Variants in ADAMTS14 observed in about 807,000 individuals in gnomAD.
ADAMTS14 encodes the protein ADAM metallopeptidase with thrombospondin type 1 motif 14, also known as A disintegrin and metalloproteinase with thrombospondin motifs 14.
Under a neutral mutation model 128.6 loss-of-function variants are expected in ADAMTS14, and 100 were observed. That is an observed-to-expected ratio of 0.78 (90% confidence interval 0.66 to 0.92). ADAMTS14 has a LOEUF of 0.92. Ranked by LOEUF, ADAMTS14 falls within the 40% of genes least tolerant of loss-of-function variation. The pLI is 0.00. For missense variants in ADAMTS14, 1,562 were observed against 1,658.6 expected, an observed-to-expected ratio of 0.94 and a Z score of 1.01; for synonymous variants, 665 against 653.8, an observed-to-expected ratio of 1.02 and a Z score of -0.26.
chr10:70,722,573 C>A (rs769960676), intron 4 of ADAMTS14, among the ~76,000 whole-genome samples: 3 of 152,146 alleles, frequency 2.0e-5, no homozygotes, highest in African/African-American at 7.2e-5. Context: ...AAATGGCTGA[C>A]TCTGGGACTA....
At position 70,674,666 on chromosome 10, in the gene ADAMTS14, G is replaced by A; in HGVS notation, c.193G>A (p.Ala65Thr). 1 of 1,613,586 alleles carries A rather than the reference G, an allele frequency of 6.2e-7. No homozygotes were observed. Among genetic ancestry groups the A allele is most frequent in the Non-Finnish European group, 8.5e-7 (1 of 1,180,036 alleles). The part of the protein sequence containing the change: ...HVVSGPAAAS[A>T]GSMVVDTPPT... ...GGTGTCTGGCCCAGCAGCAGCCTCT[G>A]CAGGGAGCATGGTAGTGGACACGCC... Residue 65 changes from alanine to threonine, a missense_variant, in exon 2 of 22, where the codon GCA becomes ACA. Coordinates refer to ENST00000373207, the MANE Select transcript of ADAMTS14 (RefSeq NM_080722.4).
intron 4 of ADAMTS14, among the ~76,000 whole-genome samples, chr10:70,709,876 GC>G (rs1840790919): frequency 6.6e-6 from 1 of 152,208 alleles, no homozygotes; most frequent in South Asian, 2.1e-4. Context: ...GCCACAGGTG[GC>G]CCCAAGTGAG....
intron 2 of ADAMTS14, among the ~76,000 whole-genome samples, chr10:70,680,079 G>A (rs937817711): frequency 6.6e-6 from 1 of 152,186 alleles, no homozygotes; most frequent in Non-Finnish European, 1.5e-5. Context: ...CTTTAAGTGG[G>A]TGAATTATAT....
chr10:70,758,126 C>T lies in ADAMTS14; in HGVS notation c.3067+35C>T, dbSNP rs777149696. The T allele has an allele frequency of 5.0e-6, 8 of 1,612,306 alleles. No individual in the cohort carries two copies. The Admixed American group carries it at 1.3e-4, about 27-fold the overall frequency. On this transcript the variant is annotated intron_variant, in intron 20 of 21. Transcript: ENST00000373207. ...AGGGGATGGGGAGGCCAGGTCCAGT[C>T]CCTTGGGCCAAAGTCCCAAATACTA...
At chr10:70,714,766 G>A (rs1840973807) in intron 4 of ADAMTS14, among the ~76,000 whole-genome samples, 1 of 151,876 alleles carries the variant, frequency 6.6e-6, no homozygotes, top group Admixed American at 6.6e-5. Flanking sequence ...TGACCAATAT[G>A]GCGAAACCCC....
At chr10:70,737,704 T>G (rs189641975) in intron 10 of ADAMTS14, among the ~76,000 whole-genome samples, 20 of 152,262 alleles carry the variant, frequency 1.3e-4, no homozygotes, top group African/African-American at 2.6e-4. Flanking sequence ...TCCAGGTCTT[T>G]CCACTTCTTA....
intron 8 of ADAMTS14, among the ~76,000 whole-genome samples, 180 bp downstream of exon 8, chr10:70,734,208 G>A (rs1413503989): frequency 6.6e-6 from 1 of 152,192 alleles, no homozygotes; most frequent in South Asian, 2.1e-4. Flanking sequence ...AGGTGGGTTA[G>A]TCTAGTGTTT....
chr10:70,734,013 T>G lies in ADAMTS14; in HGVS notation c.1337T>G (p.Leu446Arg), dbSNP rs1287889215. ...TGGTCCCGCTGCAGCAAGCTGGAGC[T>G]CAGCCGCTACCTCCCGTAGGTCATT... ...FHWSRCSKLELSRYLPSYDCL... is the reference protein window; with the variant it reads ...FHWSRCSKLERSRYLPSYDCL... The change falls in exon 8 of 22, where the codon CTC (leucine) becomes CGC (arginine). Residue 446 changes from leucine to arginine, a missense_variant. Physicochemically the swap from Leu to Arg is moderately radical, Grantham distance 102. Transcript: ENST00000373207. 6.2e-7 allele frequency: 1 copy of G among 1,613,186 alleles called. No individual in the cohort carries two copies. The highest frequency in any genetic ancestry group is 1.7e-5 in the Admixed American group (1 of 60,022).
intron 2 of ADAMTS14, among the ~76,000 whole-genome samples, chr10:70,693,969 G>A (rs1466747115): frequency 6.6e-6 from 1 of 152,254 alleles, no homozygotes; most frequent in East Asian, 1.9e-4. Flanking sequence ...AAGTCTGGCA[G>A]CTTTCAGCCC....
intron 3 of ADAMTS14, among the ~76,000 whole-genome samples, chr10:70,705,038 AAC>A (rs1162213355): frequency 6.6e-6 from 1 of 151,974 alleles, no homozygotes; most frequent in African/African-American, 2.4e-5. Flanking sequence ...CACACTCTCA[AAC>A]ACACTCATAC....
chr10:70,720,811 G>T (rs992478982), intron 4 of ADAMTS14, among the ~76,000 whole-genome samples: 2 of 152,024 alleles, frequency 1.3e-5, no homozygotes, highest in Non-Finnish European at 2.9e-5. Context: ...GTAGATACAC[G>T]CACCCATGTG....
At chr10:70,699,896 G>T (rs1368644308) in intron 2 of ADAMTS14, among the ~76,000 whole-genome samples, 1 of 152,066 alleles carries the variant, frequency 6.6e-6, no homozygotes, top group Non-Finnish European at 1.5e-5. Context: ...GACGGTGCAG[G>T]CCACTGCCCT....
At position 70,740,966 on chromosome 10, in the gene ADAMTS14, AT is replaced by A; in HGVS notation, c.1749-18del. The A allele has an allele frequency of 6.2e-7, 1 of 1,609,824 alleles. No individual in the cohort carries two copies. Among genetic ancestry groups the A allele is most frequent in the Non-Finnish European group, 8.5e-7 (1 of 1,176,716 alleles). The stretch of plus-strand genomic sequence containing the variant: ...GCCTTCCCAGCCAGCAAGGTCATCC[AT>A]TTCTCTGTGTCTGTCCCAGCCCAGC... On this transcript the variant is annotated intron_variant, in intron 11 of 21. Coordinates refer to ENST00000373207, the MANE Select transcript of ADAMTS14 (RefSeq NM_080722.4).
chr10:70,708,820 G>GGGGGGGCCCC, intron 4 of ADAMTS14, 42 bp downstream of exon 4: 1 of 1,344,672 alleles, frequency 7.4e-7, no homozygotes, highest in Non-Finnish European at 9.9e-7. Context: ...GAGTGGGGTG[G>GGGGGGGCCCC]GGTGGGCCCC....
chr10:70,748,226 C>T (rs1306557390), intron 15 of ADAMTS14, among the ~76,000 whole-genome samples: 3 of 152,162 alleles, frequency 2.0e-5, no homozygotes, highest in Admixed American at 6.5e-5. Context: ...AGCCTGGATT[C>T]GGGACTGGGT....
intron 11 of ADAMTS14, among the ~76,000 whole-genome samples, chr10:70,739,622 A>G (rs1254911259): frequency 6.6e-6 from 1 of 152,076 alleles, no homozygotes; most frequent in Non-Finnish European, 1.5e-5. Context: ...GGACTGGCCA[A>G]GGCCAGCTGC....
chr10:70,674,505 C>T (rs955664409), intron 1 of ADAMTS14, 51 bp from the exon 2 acceptor site: 3 of 1,558,768 alleles, frequency 1.9e-6, no homozygotes, highest in Non-Finnish European at 2.6e-6. Context: ...CTGACTTCCC[C>T]TTACCTCTGA....
chr10:70,678,070 G>T (rs1035354827), intron 2 of ADAMTS14, among the ~76,000 whole-genome samples: 1 of 152,184 alleles, frequency 6.6e-6, no homozygotes, highest in Non-Finnish European at 1.5e-5. Flanking sequence ...ACAGTAACGG[G>T]TTCTTCCTGT....
chr10:70,697,324 C>G (rs938484764), intron 2 of ADAMTS14, among the ~76,000 whole-genome samples: 7 of 152,220 alleles, frequency 4.6e-5, no homozygotes, highest in African/African-American at 1.7e-4. Context: ...GACTTAGGAT[C>G]CCCCTTTCCC....
Sources: gnomAD v4.1 joint callset for allele counts (sites outside exome capture counted in the v4.1 genomes callset) on GRCh38, gnomAD v4.1.1 for gene constraint, MANE v1.5 for transcripts, NCBI Gene and HGNC (gene_info 2026-07-23, HGNC 2026-07-21) for gene names.